Variants in ADAM32 observed in about 807,000 individuals in gnomAD.
The protein encoded by ADAM32 is ADAM metallopeptidase domain 32.
ADAM32 carries 89 observed loss-of-function variants against 114.9 expected under a neutral mutation model. That is an observed-to-expected ratio of 0.77 (90% CI 0.65 to 0.92). The LOEUF (loss-of-function observed/expected upper bound fraction) is 0.92. Ranked by LOEUF, ADAM32 falls within the 40% of genes least tolerant of loss-of-function variation. ADAM32 has a pLI of 0.00. For synonymous variants in ADAM32, 285 were observed against 307.5 expected (o/e 0.93, Z 0.77); for missense variants, 870 against 932.8 (o/e 0.93, Z 0.88).
chr8:39,233,303 C>T (rs1457082073), intron 15 of ADAM32, among the ~76,000 whole-genome samples: 1 of 152,118 alleles, frequency 6.6e-6, no homozygotes, highest in Non-Finnish European at 1.5e-5. Context: ...CATGAGTTTT[C>T]CAGGAAAGGA....
At chr8:39,142,782 A>G (rs1270038960) in intron 3 of ADAM32, among the ~76,000 whole-genome samples, 1 of 152,160 alleles carries the variant, frequency 6.6e-6, no homozygotes, top group Non-Finnish European at 1.5e-5. Context: ...CTCCTGGATA[A>G]TATCCTGAAG....
At chr8:39,247,064 A>G (rs963285410) in intron 17 of ADAM32, among the ~76,000 whole-genome samples, 1 of 152,010 alleles carries the variant, frequency 6.6e-6, no homozygotes, top group Non-Finnish European at 1.5e-5. Context: ...ATAATATTCC[A>G]TTGTCTGAAT....
At chr8:39,152,174 A>T (rs1803874621) in intron 6 of ADAM32, among the ~76,000 whole-genome samples, 1 of 152,208 alleles carries the variant, frequency 6.6e-6, no homozygotes, top group Non-Finnish European at 1.5e-5. Context: ...GGTTATATTC[A>T]TGACCAACGA....
At chr8:39,158,535 C>A in intron 6 of ADAM32, 1 of 339,538 alleles carries the variant, frequency 2.9e-6, no homozygotes, top group Non-Finnish European at 5.7e-6. Flanking sequence ...GCTTCCCACA[C>A]GATGTGTCAT....
chr8:39,271,727 A>C (rs1812744885), intron 20 of ADAM32, among the ~76,000 whole-genome samples: 1 of 152,218 alleles, frequency 6.6e-6, no homozygotes, highest in Non-Finnish European at 1.5e-5. Context: ...CAGAGACAGA[A>C]AATTTAGAGT....
intron 15 of ADAM32, among the ~76,000 whole-genome samples, chr8:39,232,676 T>A (rs1809825778): frequency 6.6e-6 from 1 of 152,188 alleles, no homozygotes; most frequent in African/African-American, 2.4e-5. Context: ...CTTATGCTGT[T>A]ACTTTTGTTT....
At chr8:39,187,513 C>T (rs1048267378) in intron 11 of ADAM32, among the ~76,000 whole-genome samples, 5 of 152,178 alleles carry the variant, frequency 3.3e-5, no homozygotes, top group Non-Finnish European at 5.9e-5. Context: ...CCTCATGATC[C>T]GCCCGCCTCG....
intron 15 of ADAM32, among the ~76,000 whole-genome samples, chr8:39,232,401 C>T (rs188442632): frequency 9.9e-5 from 15 of 152,202 alleles, no homozygotes; most frequent in Admixed American, 5.2e-4. Flanking sequence ...GTACCTTTCC[C>T]GCTCATTTTT....
chr8:39,266,503 C>T (rs561245396), intron 19 of ADAM32, among the ~76,000 whole-genome samples: 2 of 152,218 alleles, frequency 1.3e-5, no homozygotes, highest in East Asian at 3.9e-4. Flanking sequence ...ATTTCTCATT[C>T]CCAGAAGTTC....
chr8:39,160,878 C>A lies in ADAM32; in HGVS notation c.526-19C>A. On this transcript the variant is annotated intron_variant, in intron 6 of 24. Coordinates refer to ENST00000379907, the MANE Select transcript of ADAM32 (RefSeq NM_145004.7). ...TATGAAATTTTTCATGTATTATATG[C>A]TGTTTTCCTTTTTTCTAGTCAGAAC... is the stretch of plus-strand genomic sequence containing the variant. 6.4e-7 allele frequency: 1 copy of A among 1,561,154 alleles called. No homozygotes were observed. The highest frequency in any genetic ancestry group is 8.7e-7 in the Non-Finnish European group (1 of 1,152,552).
In ADAM32 at chr8:39,187,038, G is replaced by A. The variant is rs1326937666; in HGVS notation, c.1045G>A (p.Glu349Lys). Reference protein sequence around the residue: ...CSESTCIMNPEVVQSNGVKTF... With the variant: ...CSESTCIMNPKVVQSNGVKTF... ...AGAATCCACCTGTATAATGAATCCA[G>A]AAGTTGTGTAAGTTTTAACAATTTA... Residue 349 changes from glutamate (E) to lysine (K), a missense_variant, in exon 11 of 25, where the codon GAA becomes AAA. Glu to Lys is a moderately conservative substitution (Grantham distance 56). Coordinates refer to ENST00000379907, the MANE Select transcript of ADAM32 (RefSeq NM_145004.7). The A allele has an allele frequency of 1.2e-6, 2 of 1,603,198 alleles. No individual in the cohort carries two copies. The highest frequency in any genetic ancestry group is 2.3e-5 in the South Asian group (2 of 87,996).
At chr8:39,186,341 T>C (rs1403307967) in intron 10 of ADAM32, among the ~76,000 whole-genome samples, 1 of 152,254 alleles carries the variant, frequency 6.6e-6, no homozygotes, top group Admixed American at 6.5e-5. Flanking sequence ...CCATTTCTTT[T>C]TCGCAAGGAG....
intron 3 of ADAM32, among the ~76,000 whole-genome samples, chr8:39,145,889 C>T (rs1803476762): frequency 6.6e-6 from 1 of 152,034 alleles, no homozygotes; most frequent in Non-Finnish European, 1.5e-5. Flanking sequence ...GACCACCACA[C>T]CTGGCTAATT....
In ADAM32 at chr8:39,274,964, G is replaced by A. The variant is rs538429158; in HGVS notation, c.2240+614G>A. Reference sequence around the variant, plus strand: ...ATGGAGTGGTGTCCTTATCCTATACGTGTAAAGAATTAAGGCTCCTGTTTC... The same window carrying A: ...ATGGAGTGGTGTCCTTATCCTATACATGTAAAGAATTAAGGCTCCTGTTTC... On this transcript the variant is annotated intron_variant, in intron 21 of 24. Transcript: ENST00000379907. Among the ~76,000 whole-genome samples the A allele has an allele frequency of 3.3e-5, 5 of 152,280 alleles. No homozygotes were observed. The South Asian group carries it at 1.0e-3, about 32-fold the overall frequency.
chr8:39,152,550 C>T (rs868356533), intron 6 of ADAM32, among the ~76,000 whole-genome samples: 24 of 151,610 alleles, frequency 1.6e-4, no homozygotes, highest in Non-Finnish European at 2.1e-4. Flanking sequence ...GGTGAAACCC[C>T]GTCTCCACTA....
chr8:39,207,751 T>A lies in ADAM32; in HGVS notation c.1053-3393T>A, dbSNP rs115665044. Among the ~76,000 whole-genome samples the A allele has an allele frequency of 6.5e-3, 996 of 152,322 alleles. 5 individuals are homozygous for A. The highest frequency in any genetic ancestry group is 0.022 in the African/African-American group (929 of 41,586). On this transcript the variant is annotated intron_variant, in intron 11 of 24. Transcript: ENST00000379907. ...GCCTCTGGTAACCACTATTCTACTCTCTATTTTTATGAAATCAACTTTTTT... is the reference window on the plus strand; with the variant it reads ...GCCTCTGGTAACCACTATTCTACTCACTATTTTTATGAAATCAACTTTTTT...
intron 10 of ADAM32, among the ~76,000 whole-genome samples, chr8:39,183,181 C>A (rs138654447): frequency 6.6e-6 from 1 of 152,144 alleles, no homozygotes. Context: ...GTCTTTCTGG[C>A]GTGGCACCTC....
intron 17 of ADAM32, among the ~76,000 whole-genome samples, chr8:39,248,446 G>A (rs1811074377): frequency 6.6e-6 from 1 of 151,802 alleles, no homozygotes; most frequent in Non-Finnish European, 1.5e-5. Context: ...TTTTTGGGGG[G>A]GCTAATGCAA....
At chr8:39,176,688 G>T (rs930710956) in intron 10 of ADAM32, among the ~76,000 whole-genome samples, 1 of 152,168 alleles carries the variant, frequency 6.6e-6, no homozygotes, top group African/African-American at 2.4e-5. Context: ...GATTTCTGTA[G>T]ATATCTATCA....
Sources: allele counts gnomAD v4.1 joint callset (sites outside exome capture counted in the v4.1 genomes callset), GRCh38; gene constraint gnomAD v4.1.1; transcripts MANE v1.5; gene names NCBI Gene and HGNC (gene_info 2026-07-23, HGNC 2026-07-21).